Variants in FXR1 observed in about 807,000 individuals in gnomAD.
FXR1 encodes FMR1 autosomal homolog 1.
Under a neutral mutation model 84.0 loss-of-function variants are expected in FXR1, and 15 were observed. That is an observed-to-expected ratio of 0.18 (90% CI 0.12 to 0.27). The LOEUF (loss-of-function observed/expected upper bound fraction) is 0.27. Ranked by LOEUF, FXR1 falls within the 10% of genes least tolerant of loss-of-function variation. FXR1 has a pLI of 1.00. For missense variants in FXR1, 480 were observed against 774.4 expected, an observed-to-expected ratio of 0.62 and a Z score of 4.51; for synonymous variants, 245 against 250.7, an observed-to-expected ratio of 0.98 and a Z score of 0.21.
At chr3:180,954,326 T>C (rs983024054) in intron 9 of FXR1, among the ~76,000 whole-genome samples, 2 of 152,156 alleles carry the variant, frequency 1.3e-5, no homozygotes, top group African/African-American at 4.8e-5. Context: ...TTGCAAGGCA[T>C]AGAATAATAA....
chr3:180,935,717 T>G (rs1576925855), intron 3 of FXR1, among the ~76,000 whole-genome samples: 1 of 152,176 alleles, frequency 6.6e-6, no homozygotes, highest in African/African-American at 2.4e-5. Flanking sequence ...AGGAAAAATT[T>G]AAAAGTACAG....
intron 9 of FXR1, among the ~76,000 whole-genome samples, chr3:180,957,246 C>T (rs1711504109): frequency 6.6e-6 from 1 of 152,266 alleles, no homozygotes; most frequent in East Asian, 1.9e-4. Context: ...CCTAGCAAGA[C>T]AGCATATCAT....
intron 10 of FXR1, among the ~76,000 whole-genome samples, 160 bp from the exon 11 acceptor site, chr3:180,961,306 CTG>C (rs1712063249): frequency 8.2e-6 from 1 of 121,820 alleles, no homozygotes; most frequent in Admixed American, 1.2e-4. Flanking sequence ...TAACACTGCA[CTG>C]TAGCCTGGGC....
At chr3:180,960,042 G>A (rs1479892319) in intron 10 of FXR1, among the ~76,000 whole-genome samples, 2 of 152,076 alleles carry the variant, frequency 1.3e-5, no homozygotes, top group Non-Finnish European at 2.9e-5. Context: ...ACTGATTGGG[G>A]GAGTTAAGCT....
intron 3 of FXR1, among the ~76,000 whole-genome samples, chr3:180,937,839 A>G (rs548241373): frequency 2.0e-5 from 3 of 152,308 alleles, no homozygotes; most frequent in African/African-American, 7.2e-5. Flanking sequence ...AATGGTAAAA[A>G]ATTATATAAA....
chr3:180,968,884 C>A (rs940516118), intron 14 of FXR1, among the ~76,000 whole-genome samples: 1 of 152,186 alleles, frequency 6.6e-6, no homozygotes, highest in South Asian at 2.1e-4. Flanking sequence ...TCCTTGGTTA[C>A]CATAACGGGC....
chr3:180,942,377 CAAAAAA>C (rs765066164), intron 3 of FXR1, among the ~76,000 whole-genome samples: 9 of 31,124 alleles, frequency 2.9e-4, no homozygotes, highest in African/African-American at 6.9e-4. Context: ...GACTCCGTCT[CAAAAAA>C]AAAAAAAAAA....
intron 1 of FXR1, among the ~76,000 whole-genome samples, chr3:180,926,478 GTATA>G (rs34325096): frequency 0.015 from 1,129 of 75,378 alleles, 21 homozygotes; most frequent in African/African-American, 0.071. Flanking sequence ...GGATTGTACT[GTATA>G]TATATATATA....
At chr3:180,929,418 G>C (rs1183315821) in intron 1 of FXR1, among the ~76,000 whole-genome samples, 2 of 152,162 alleles carry the variant, frequency 1.3e-5, no homozygotes, top group African/African-American at 4.8e-5. Context: ...TTATTGGACT[G>C]TGCGAGTGAA....
Position 180,975,266 on chromosome 3 carries a change from T to C in FXR1, c.1604-47T>C, listed in dbSNP as rs750976948. ...TTACCCTTTATCCATAAATAAACTTTAGAAATATTTTTTCAACACCTGTAA... is the reference window on the plus strand; with the variant it reads ...TTACCCTTTATCCATAAATAAACTTCAGAAATATTTTTTCAACACCTGTAA... On this transcript the variant is annotated intron_variant, in intron 15 of 16. Coordinates refer to ENST00000357559, the MANE Select transcript of FXR1 (RefSeq NM_005087.4). 1.5e-5 allele frequency: 11 copies of C among 747,006 alleles called. No individual in the cohort carries two copies. The African/African-American group carries it at 1.8e-4, about 12-fold the overall frequency. 46.3% of individuals were successfully genotyped at this position (747,006 alleles called of 1,614,324 possible).
At chr3:180,932,087 A>AAAAAAAAAAC (rs1190261322) in intron 1 of FXR1, among the ~76,000 whole-genome samples, 3 of 150,310 alleles carry the variant, frequency 2.0e-5, no homozygotes, top group Non-Finnish European at 4.4e-5. Context: ...AAAAAAAAAA[A>AAAAAAAAAAC]AAACAACTTT....
Position 180,968,234 on chromosome 3 carries a change from G to C in FXR1, c.1382G>C (p.Gly461Ala). 6.2e-7 allele frequency: 1 copy of C among 1,607,786 alleles called. No individual in the cohort carries two copies. The highest frequency in any genetic ancestry group is 8.5e-7 in the Non-Finnish European group (1 of 1,174,306). ...GGRGRGGPRGGKSSISSVLKD... is the reference protein window; with the variant it reads ...GGRGRGGPRGAKSSISSVLKD... Reference sequence around the variant, plus strand: ...CGAGGTCGTGGTGGACCACGTGGTGGCAAATCCTCCATCAGTTCTGGTAGT... The same window carrying C: ...CGAGGTCGTGGTGGACCACGTGGTGCCAAATCCTCCATCAGTTCTGGTAGT... Residue 461 changes from glycine (G) to alanine (A), a missense_variant, in exon 14 of 17, where the codon GGC becomes GCC. Transcript: ENST00000357559.
chr3:180,936,397 A>G (rs1170019056), intron 3 of FXR1, among the ~76,000 whole-genome samples: 9 of 152,124 alleles, frequency 5.9e-5, no homozygotes, highest in Non-Finnish European at 1.2e-4. Flanking sequence ...CCTTCTGAGT[A>G]TCTGGGATTA....
chr3:180,933,485 C>G, intron 2 of FXR1, 99 bp downstream of exon 2: 1 of 722,928 alleles, frequency 1.4e-6, no homozygotes, highest in South Asian at 1.5e-5. Flanking sequence ...AATGATTTTG[C>G]TTTTAGGGAG....
At chr3:180,966,903 A>G (rs114349351) in intron 13 of FXR1, among the ~76,000 whole-genome samples, 1 of 152,238 alleles carries the variant, frequency 6.6e-6, no homozygotes, top group Non-Finnish European at 1.5e-5. Context: ...AGTCATATGT[A>G]TCTGACATTT....
intron 1 of FXR1, chr3:180,915,500 A>C (rs1234319453): frequency 6.7e-7 from 1 of 1,500,412 alleles, no homozygotes; most frequent in Non-Finnish European, 9.0e-7. Flanking sequence ...GTTTTTTTCC[A>C]ATTTAGAAGA....
intron 1 of FXR1, among the ~76,000 whole-genome samples, chr3:180,913,299 A>T (rs1289058546): frequency 1.3e-5 from 2 of 152,186 alleles, no homozygotes; most frequent in Non-Finnish European, 2.9e-5. Flanking sequence ...GAGGGTTAGG[A>T]TCAAATACAG....
In FXR1 at chr3:180,963,101, ATTTTT is replaced by A; in HGVS notation, c.1198+25_1198+29del. 20 of 867,260 alleles carry A rather than the reference ATTTTT, an allele frequency of 2.3e-5. No homozygotes were observed. The highest frequency in any genetic ancestry group is 2.7e-5 in the East Asian group (1 of 37,382). The allele number at this position is 867,260 out of a possible 1,614,324, so 53.7% of individuals were successfully genotyped here. On this transcript the variant is annotated intron_variant, in intron 13 of 16. Transcript: ENST00000357559. ...ACACCTCCGGTTATGGTAAAAAAAA[ATTTTT>A]TTTTTTTTTTTTTGGTAATAGTAAT...
intron 3 of FXR1, among the ~76,000 whole-genome samples, chr3:180,942,801 T>C (rs1233285081): frequency 2.0e-5 from 3 of 152,178 alleles, no homozygotes; most frequent in African/African-American, 7.2e-5. Flanking sequence ...GGCGCTGTTA[T>C]TCAATGACAG....
Sources: allele counts gnomAD v4.1 joint callset (sites outside exome capture counted in the v4.1 genomes callset), GRCh38; gene constraint gnomAD v4.1.1; transcripts MANE v1.5; gene names NCBI Gene and HGNC (gene_info 2026-07-23, HGNC 2026-07-21).